SLC9A3: variants seen among roughly 807,000 people sequenced by gnomAD.
The protein encoded by SLC9A3 is solute carrier family 9 member A3.
SLC9A3 carries 37 observed loss-of-function variants against 86.8 expected under a neutral mutation model. The observed-to-expected ratio is 0.43, with a 90% CI of 0.33 to 0.56. The LOEUF (loss-of-function observed/expected upper bound fraction) is 0.56, where lower values mean the gene tolerates loss of function less well. SLC9A3 is among the 20% of genes least tolerant of loss of function. The pLI is 0.06. For missense variants in SLC9A3, 1,011 were observed against 1,171.9 expected (o/e 0.86, Z 2.00); for synonymous variants, 581 against 528.3 (o/e 1.10, Z -1.37).
Position 472,170 on chromosome 5 carries a change from G to T in SLC9A3, c.*1209C>A. The T allele has an allele frequency of 2.7e-6, 1 of 372,352 alleles. No individual in the cohort carries two copies. 23.1% of individuals were successfully genotyped at this position (372,352 alleles called of 1,614,324 possible). On this transcript the variant is annotated 3_prime_UTR_variant, in exon 17 of 17. Coordinates refer to ENST00000264938, the MANE Select transcript of SLC9A3 (RefSeq NM_004174.4). ...ACCCGCGGCCTCCGCCCACTCAATG[G>T]ACTGTGCCTCCCAGAGCTTGGGCTG...
intron 1 of SLC9A3, among the ~76,000 whole-genome samples, chr5:494,499 G>A (rs1251778515): frequency 1.3e-5 from 2 of 152,228 alleles, no homozygotes; most frequent in African/African-American, 4.8e-5. Context: ...AGGCCTTTGG[G>A]AGTCCTGCTG....
At chr5:474,062 C>T (rs572601452) in intron 16 of SLC9A3, among the ~76,000 whole-genome samples, 1 of 152,068 alleles carries the variant, frequency 6.6e-6, no homozygotes, top group East Asian at 1.9e-4. Context: ...GCCAGCAGGG[C>T]GCTAGAGGAG....
At chr5:477,944 C>G (rs78031941) in intron 10 of SLC9A3, 11,707 of 153,842 alleles carry the variant, frequency 0.076, 539 homozygotes, top group Admixed American at 0.13. Flanking sequence ...TCAGACCCCA[C>G]CCGCCTGATG....
At chr5:521,754 C>T (rs1468632203) in intron 1 of SLC9A3, among the ~76,000 whole-genome samples, 1 of 152,170 alleles carries the variant, frequency 6.6e-6, no homozygotes, top group African/African-American at 2.4e-5. Context: ...TCTGTGAAGG[C>T]CTGGACCTGA....
rs565552687 is a variant in SLC9A3, at chr5:488,224, C to T, written c.675+92G>A. 6.2e-5 allele frequency: 88 copies of T among 1,409,750 alleles called. No individual in the cohort carries two copies. The South Asian group carries it at 6.8e-4, about 11-fold the overall frequency. The allele number at this position is 1,409,750 out of a possible 1,614,324, so 87.3% of individuals were successfully genotyped here. A position where few individuals can be genotyped will look rare whatever the true frequency, so the allele number is the denominator to read the frequency against. On this transcript the variant is annotated intron_variant, in intron 3 of 16. Coordinates refer to ENST00000264938, the MANE Select transcript of SLC9A3 (RefSeq NM_004174.4). ...AGGGGAGTTTGAGGACAGGGTTTCA[C>T]GCCCTCCTTTGCTGACTGACCGATG...
In SLC9A3 at chr5:524,111, C is replaced by T. The variant is rs1205823389; in HGVS notation, c.211+1G>A. The stretch of plus-strand genomic sequence containing the variant: ...GATCCGGAGACCCCGGGGCCACTTA[C>T]CGATCTTGGCCAAGCTGGCCACGAG... On this transcript the variant is annotated splice_donor_variant, in intron 1 of 16. Coordinates refer to ENST00000264938, the MANE Select transcript of SLC9A3 (RefSeq NM_004174.4). LOFTEE classifies it high-confidence loss of function. 1 of 1,504,264 alleles carries T rather than the reference C, an allele frequency of 6.6e-7. No individual in the cohort carries two copies. The highest frequency in any genetic ancestry group is 8.9e-7 in the Non-Finnish European group (1 of 1,124,476). 93.2% of individuals were successfully genotyped at this position (1,504,264 alleles called of 1,614,324 possible).
At chr5:479,386 G>A (rs1273008504) in intron 10 of SLC9A3, 1 of 179,670 alleles carries the variant, frequency 5.6e-6, no homozygotes. Context: ...TAGTGGACTG[G>A]GAGATGCTGG....
intron 1 of SLC9A3, among the ~76,000 whole-genome samples, chr5:499,006 C>T (rs1740152344): frequency 6.6e-6 from 1 of 152,208 alleles, no homozygotes; most frequent in Non-Finnish European, 1.5e-5. Context: ...GGTGACCCTG[C>T]ATCTCCCTGG....
intron 1 of SLC9A3, among the ~76,000 whole-genome samples, chr5:520,898 C>A (rs1733866941): frequency 6.6e-6 from 1 of 152,164 alleles, no homozygotes; most frequent in African/African-American, 2.4e-5. Context: ...GGAAGGAAAG[C>A]CTGGCCCAGG....
chr5:496,362 G>A lies in SLC9A3; in HGVS notation c.212-4291C>T, dbSNP rs1336154733. On this transcript the variant is annotated intron_variant, in intron 1 of 16. Transcript: ENST00000264938. This position sits in a 1 kb window ranked among gnomAD's most constrained non-coding sequence, Gnocchi z 4.7. ...ACCCATCCCCACCGGCCAGGCAGGC[G>A]TGAGCCACATCTCCTGAGGGGCCCA... is the stretch of plus-strand genomic sequence containing the variant. 6.6e-6 allele frequency among the ~76,000 whole-genome samples: 1 copy of A among 152,198 alleles called. No individual in the cohort carries two copies. The highest frequency in any genetic ancestry group is 1.9e-4 in the East Asian group (1 of 5,190).
chr5:512,686 T>C (rs1733593208), intron 1 of SLC9A3, among the ~76,000 whole-genome samples: 1 of 152,118 alleles, frequency 6.6e-6, no homozygotes, highest in Non-Finnish European at 1.5e-5. Context: ...CTATTCGTTT[T>C]CTAAGAAAGG....
chr5:505,779 G>T (rs1306026720), intron 1 of SLC9A3, among the ~76,000 whole-genome samples: 1 of 108,400 alleles, frequency 9.2e-6, no homozygotes, highest in Non-Finnish European at 1.9e-5. Context: ...GAGAGTGGCT[G>T]TGGGGGGTGG....
Position 521,020 on chromosome 5 carries a change from G to T in SLC9A3, c.211+3092C>A, listed in dbSNP as rs191457369. Among the ~76,000 whole-genome samples, 531 of 152,356 alleles carry T rather than the reference G, an allele frequency of 3.5e-3. 6 individuals are homozygous for T. The highest frequency in any genetic ancestry group is 0.014 in the Middle Eastern group (4 of 294). ...CTGGGGGCCCCCAAGGGGCACAGGAGGAAGCCCCCTCACCCTGCCTGAGGC... is the reference window on the plus strand; with the variant it reads ...CTGGGGGCCCCCAAGGGGCACAGGATGAAGCCCCCTCACCCTGCCTGAGGC... On this transcript the variant is annotated intron_variant, in intron 1 of 16. Transcript: ENST00000264938.
intron 16 of SLC9A3, among the ~76,000 whole-genome samples, chr5:473,726 G>A (rs985292128): frequency 6.6e-6 from 1 of 152,140 alleles, no homozygotes; most frequent in African/African-American, 2.4e-5. Flanking sequence ...CCGCCCTGGC[G>A]TCCCCCGGGT....
chr5:499,523 A>G (rs1740168614), intron 1 of SLC9A3, among the ~76,000 whole-genome samples: 1 of 152,228 alleles, frequency 6.6e-6, no homozygotes, highest in South Asian at 2.1e-4. Flanking sequence ...CACAATCTGC[A>G]CGTTTTTAGG....
intron 1 of SLC9A3, among the ~76,000 whole-genome samples, chr5:511,486 T>C: frequency 6.6e-6 from 1 of 152,166 alleles, no homozygotes. Context: ...GAGCCAAACA[T>C]CTGGGCAGAC....
chr5:504,090 G>C (rs1283006779), intron 1 of SLC9A3, among the ~76,000 whole-genome samples: 1 of 151,850 alleles, frequency 6.6e-6, no homozygotes, highest in Non-Finnish European at 1.5e-5. Context: ...AGCATTCCCC[G>C]TGTTTTTGCC....
At position 503,846 on chromosome 5, in the gene SLC9A3, G is replaced by A. The variant is rs141483641; in HGVS notation, c.212-11775C>T. ...CGTGTCTGCTGGAAATCTCATCCAC[G>A]GCTGTGGTTTCTCCTGAATCGGCGA... On this transcript the variant is annotated intron_variant, in intron 1 of 16. Coordinates refer to ENST00000264938, the MANE Select transcript of SLC9A3 (RefSeq NM_004174.4). 3.3e-3 allele frequency among the ~76,000 whole-genome samples: 497 copies of A among 152,306 alleles called. 5 individuals are homozygous for A. The highest frequency in any genetic ancestry group is 0.011 in the African/African-American group (459 of 41,570).
chr5:524,314 T>C lies in SLC9A3; in HGVS notation c.9A>G (p.Gly3=), dbSNP rs1159449004. MW[G]LGARGPDRGL... ...CCCGGTCGGGGCCCCGGGCCCCGAG[T>C]CCCCACATTGCCGCCTGCTCAGCGC... is the stretch of plus-strand genomic sequence containing the variant. The change falls in exon 1 of 17, where the codon GGA becomes GGG. Residue 3 remains glycine (G), a synonymous_variant. Transcript: ENST00000264938. 2.4e-6 allele frequency: 3 copies of C among 1,265,382 alleles called. No individual in the cohort carries two copies. The Admixed American group carries it at 1.2e-4, about 50-fold the overall frequency. The allele number at this position is 1,265,382 out of a possible 1,614,324, so 78.4% of individuals were successfully genotyped here. A position where few individuals can be genotyped will look rare whatever the true frequency, so the allele number is the denominator to read the frequency against.
Sources: gnomAD v4.1 joint callset for allele counts (sites outside exome capture counted in the v4.1 genomes callset) on GRCh38, gnomAD v4.1.1 for gene constraint, Gnocchi (gnomAD v3.1) non-coding constraint, MANE v1.5 for transcripts, NCBI Gene and HGNC (gene_info 2026-07-23, HGNC 2026-07-21) for gene names.